The following PLCB1 variants were observed in gnomAD, a reference collection of about 807,000 sequenced individuals.
PLCB1 encodes the protein phospholipase C beta 1.
Under a neutral mutation model 161.8 loss-of-function variants are expected in PLCB1, and 46 were observed. The observed-to-expected ratio is 0.28, with a 90% CI of 0.22 to 0.36. The LOEUF (loss-of-function observed/expected upper bound fraction) is 0.36, where lower values mean the gene tolerates loss of function less well. PLCB1 is among the 10% of genes least tolerant of loss of function. The pLI is 1.00. For missense variants in PLCB1, 1,016 were observed against 1,472.5 expected, an observed-to-expected ratio of 0.69 and a Z score of 5.07; for synonymous variants, 517 against 503.7, an observed-to-expected ratio of 1.03 and a Z score of -0.35.
chr20:8,376,880 A>G (rs1170733581), intron 3 of PLCB1, among the ~76,000 whole-genome samples: 1 of 151,992 alleles, frequency 6.6e-6, no homozygotes, highest in Non-Finnish European at 1.5e-5. Context: ...GTGAGCCAAG[A>G]TCACACCACT....
chr20:8,781,417 A>AACACACAC (rs745610188), intron 27 of PLCB1, among the ~76,000 whole-genome samples: 11 of 28,052 alleles, frequency 3.9e-4, no homozygotes, highest in South Asian at 1.8e-3. Flanking sequence ...CACACACACA[A>AACACACAC]ACACACACAC....
chr20:8,831,972 T>G (rs1986031886), intron 31 of PLCB1, among the ~76,000 whole-genome samples: 1 of 108,134 alleles, frequency 9.2e-6, no homozygotes, highest in Non-Finnish European at 2.2e-5. Flanking sequence ...CTTTCTTTCT[T>G]TCTTTCTTTC....
intron 3 of PLCB1, among the ~76,000 whole-genome samples, chr20:8,512,945 A>G (rs1024606458): frequency 6.6e-6 from 1 of 151,624 alleles, no homozygotes; most frequent in Non-Finnish European, 1.5e-5. Context: ...CTCCCCTTTT[A>G]CCTCCCACCC....
chr20:8,821,501 G>GTGTA lies in PLCB1; in HGVS notation c.3423+31241_3423+31242insGTAT, dbSNP rs1985394501. ...TCAAAAAAAAAAAAAAAAAAAATATGTATATATATATATATATATATATAT... is the reference window on the plus strand; with the variant it reads ...TCAAAAAAAAAAAAAAAAAAAATATGTGTATATATATATATATATATATATATAT... On this transcript the variant is annotated intron_variant, in intron 31 of 31. Transcript: ENST00000338037. 4.7e-5 allele frequency among the ~76,000 whole-genome samples: 2 copies of GTGTA among 42,390 alleles called. 1 individual carries two copies. Among genetic ancestry groups the GTGTA allele is most frequent in the African/African-American group, 1.5e-4 (2 of 13,172 alleles). The allele number at this position is 42,390 out of a possible 152,430, so 27.8% of individuals were successfully genotyped here. A position where few individuals can be genotyped will look rare whatever the true frequency, so the allele number is the denominator to read the frequency against.
rs200987549 is a variant in PLCB1 at position 8,833,984 on chromosome 20, G to GA, written c.3423+43733dup. Among the ~76,000 whole-genome samples the GA allele has an allele frequency of 9.7e-3, 1,433 of 148,310 alleles. 15 individuals are homozygous for GA. Among genetic ancestry groups the GA allele is most frequent in the Non-Finnish European group, 0.017 (1,110 of 66,872 alleles). Reference sequence around the variant, plus strand: ...GTATGTGTGAAATCTTCAGAGCTCAGAAAAAAAAAATCTGATCAAAAGCAA... The same window carrying GA: ...GTATGTGTGAAATCTTCAGAGCTCAGAAAAAAAAAAATCTGATCAAAAGCAA... On this transcript the variant is annotated intron_variant, in intron 31 of 31. Transcript: ENST00000338037.
chr20:8,709,156 G>A (rs940710286), intron 12 of PLCB1, among the ~76,000 whole-genome samples: 2 of 152,140 alleles, frequency 1.3e-5, no homozygotes, highest in Non-Finnish European at 2.9e-5. Context: ...GGGGAGAGCT[G>A]TGAATTCCAT....
At chr20:8,847,073 G>A (rs1038313162) in intron 31 of PLCB1, among the ~76,000 whole-genome samples, 10 of 152,190 alleles carry the variant, frequency 6.6e-5, no homozygotes, top group Non-Finnish European at 1.5e-4. Flanking sequence ...CAAGGGGTGG[G>A]AAAAGCCTGG....
intron 3 of PLCB1, among the ~76,000 whole-genome samples, chr20:8,457,714 G>GCACACACACACACACA (rs145581916): frequency 6.9e-6 from 1 of 145,864 alleles, no homozygotes; most frequent in Non-Finnish European, 1.5e-5. Context: ...ATGTGTGCGC[G>GCACACACACACACACA]CACACACACA....
At chr20:8,310,746 C>T (rs565760876) in intron 2 of PLCB1, among the ~76,000 whole-genome samples, 29 of 152,264 alleles carry the variant, frequency 1.9e-4, no homozygotes, top group Middle Eastern at 3.4e-3. Flanking sequence ...TTGGAGCCCC[C>T]GTGTCTATCG....
chr20:8,133,004 C>A (rs548326670), intron 1 of PLCB1, among the ~76,000 whole-genome samples: 1 of 152,238 alleles, frequency 6.6e-6, no homozygotes, highest in East Asian at 1.9e-4. Context: ...GGTCTTACAT[C>A]TTTTGGGCCA....
chr20:8,357,579 G>T (rs563046310), intron 2 of PLCB1, among the ~76,000 whole-genome samples: 21 of 152,052 alleles, frequency 1.4e-4, no homozygotes, highest in African/African-American at 4.3e-4. Context: ...ACTCTGGGGG[G>T]GCCGAGCGAG....
intron 11 of PLCB1, 147 bp downstream of exon 11, chr20:8,697,930 CT>C: frequency 3.1e-6 from 2 of 644,986 alleles, no homozygotes; most frequent in Non-Finnish European, 5.0e-6. Flanking sequence ...TAAAATTTGG[CT>C]GTTTATTCAT....
chr20:8,443,284 C>T (rs546269627), intron 3 of PLCB1, among the ~76,000 whole-genome samples: 8 of 152,070 alleles, frequency 5.3e-5, no homozygotes, highest in Admixed American at 1.3e-4. Flanking sequence ...CTGGCCATCT[C>T]GTGAGTTTTA....
At chr20:8,607,804 G>A (rs1313566108) in intron 3 of PLCB1, among the ~76,000 whole-genome samples, 1 of 152,140 alleles carries the variant, frequency 6.6e-6, no homozygotes, top group East Asian at 1.9e-4. Context: ...GCATGAATGA[G>A]TGAGTGAATG....
intron 2 of PLCB1, among the ~76,000 whole-genome samples, chr20:8,292,558 A>G (rs1482156040): frequency 6.6e-6 from 1 of 152,144 alleles, no homozygotes; most frequent in Non-Finnish European, 1.5e-5. Context: ...ACTAATTCCC[A>G]TGAAGCTCTT....
chr20:8,306,372 C>T (rs957130788), intron 2 of PLCB1: 2 of 152,190 alleles, frequency 1.3e-5, no homozygotes, highest in African/African-American at 4.8e-5. Flanking sequence ...GAAATGCCAC[C>T]TGCAGGTCAG....
chr20:8,574,276 G>A (rs889909769), intron 3 of PLCB1, among the ~76,000 whole-genome samples: 2 of 152,096 alleles, frequency 1.3e-5, no homozygotes, highest in African/African-American at 4.8e-5. Context: ...GCGAGCACCT[G>A]TAATCCCAGC....
chr20:8,688,305 C>T lies in PLCB1; in HGVS notation c.1009+3227C>T, dbSNP rs1600252185. Among the ~76,000 whole-genome samples, 3 of 152,284 alleles carry T rather than the reference C, an allele frequency of 2.0e-5. No homozygotes were observed. The East Asian group carries it at 5.8e-4, about 29-fold the overall frequency. On this transcript the variant is annotated intron_variant, in intron 10 of 31. Coordinates refer to ENST00000338037, the MANE Select transcript of PLCB1 (RefSeq NM_015192.4). ...GTGGGTTGTCTGTTTATTCTGCTGACTGTTCCTTTTGCTGTGCAAAAGCTC... is the reference window on the plus strand; with the variant it reads ...GTGGGTTGTCTGTTTATTCTGCTGATTGTTCCTTTTGCTGTGCAAAAGCTC...
chr20:8,587,202 A>C (rs1987018597), intron 3 of PLCB1, among the ~76,000 whole-genome samples: 1 of 152,034 alleles, frequency 6.6e-6, no homozygotes, highest in African/African-American at 2.4e-5. Context: ...ATATGATCTC[A>C]AAAAGGGAGA....
Sources: allele counts gnomAD v4.1 joint callset (sites outside exome capture counted in the v4.1 genomes callset), GRCh38; gene constraint gnomAD v4.1.1; transcripts MANE v1.5; gene names NCBI Gene and HGNC (gene_info 2026-07-23, HGNC 2026-07-21).